The following DPP6 variants were observed in gnomAD, a reference collection of about 807,000 sequenced individuals.
The protein encoded by DPP6 is dipeptidyl peptidase like 6, also known as A-type potassium channel modulatory protein DPP6.
In DPP6, 69 loss-of-function variants were observed where a neutral mutation model predicts 122.6. That is an observed-to-expected ratio of 0.56 (90% CI 0.46 to 0.69). The LOEUF (loss-of-function observed/expected upper bound fraction) is 0.69, where lower values mean the gene tolerates loss of function less well. Among genes scored for constraint, DPP6 ranks in the 30% least tolerant of loss-of-function variants. The pLI, the probability that DPP6 is intolerant of heterozygous loss-of-function variation, is 0.00. For synonymous variants in DPP6, 418 were observed against 433.1 expected (o/e 0.97, Z 0.43); for missense variants, 928 against 1,116.9 (o/e 0.83, Z 2.41).
chr7:154,722,002 CAAA>C (rs34504657), intron 7 of DPP6, among the ~76,000 whole-genome samples: 5 of 128,612 alleles, frequency 3.9e-5, no homozygotes, highest in Non-Finnish European at 5.0e-5. Flanking sequence ...CCATCTCTAC[CAAA>C]AAAAAAAAAA....
At chr7:153,888,699 C>G (rs76450256) in intron 1 of DPP6, among the ~76,000 whole-genome samples, 2,810 of 135,962 alleles carry the variant, frequency 0.021, 143 homozygotes, top group East Asian at 0.18. Context: ...AAGTTGCTGG[C>G]TGGCACTTTT....
intron 1 of DPP6, among the ~76,000 whole-genome samples, chr7:154,116,470 G>A (rs1217779623): frequency 6.6e-6 from 1 of 152,174 alleles, no homozygotes. Context: ...CAGTTCATTT[G>A]TGATTAAATT....
rs1420355391 is a variant in DPP6, at chr7:154,669,386, A to C, written c.707A>C (p.Glu236Ala). 6.4e-7 allele frequency: 1 copy of C among 1,556,302 alleles called. No homozygotes were observed. Among genetic ancestry groups the C allele is most frequent in the Admixed American group, 1.9e-5 (1 of 51,524 alleles). Reference sequence around the variant, plus strand: ...GATCCTCAAAGTCTGGACCCACCAGAAGTCAGCAATGCAAAACTTCAGTAT... The same window carrying C: ...GATCCTCAAAGTCTGGACCCACCAGCAGTCAGCAATGCAAAACTTCAGTAT... ...HGDPQSLDPP[E>A]VSNAKLQYAG... The change falls in exon 7 of 26, where the codon GAA becomes GCA. Residue 236 changes from glutamate to alanine, a missense_variant. Transcript: ENST00000377770.
intron 8 of DPP6, among the ~76,000 whole-genome samples, chr7:154,744,802 G>A (rs1842964823): frequency 6.6e-6 from 1 of 152,116 alleles, no homozygotes. Context: ...AATTTCCCGG[G>A]ACCCAGATTT....
At chr7:153,763,377 GA>G in the DPP6 span, among the ~76,000 whole-genome samples, 973 of 128,682 alleles carry the variant, frequency 7.6e-3, 11 homozygotes, top group Middle Eastern at 0.074. Context: ...GTACAAGTAA[GA>G]AAAAAAAAAA....
At chr7:154,612,915 A>C (rs896354958) in intron 5 of DPP6, among the ~76,000 whole-genome samples, 2 of 152,224 alleles carry the variant, frequency 1.3e-5, no homozygotes, top group Admixed American at 1.3e-4. Flanking sequence ...GCTTCACAGA[A>C]GTTTATTTTT....
the DPP6 span, among the ~76,000 whole-genome samples, chr7:153,815,119 C>T: frequency 2.0e-5 from 3 of 152,128 alleles, no homozygotes; most frequent in Non-Finnish European, 2.9e-5. Flanking sequence ...GGCAATTAGG[C>T]AGGAGAAGGA....
In DPP6 at chr7:154,687,701, G is replaced by A. The variant is rs551910784; in HGVS notation, c.762+18260G>A. ...GGCAGGAAGATACATTGATTTCAAT[G>A]CAATTTATTCCTTTATGGTTTGCAT... On this transcript the variant is annotated intron_variant, in intron 7 of 25. Coordinates refer to ENST00000377770, the MANE Select transcript of DPP6 (RefSeq NM_130797.4). Among the ~76,000 whole-genome samples, 4 of 152,212 alleles carry A rather than the reference G, an allele frequency of 2.6e-5. No individual in the cohort carries two copies. In the East Asian group the frequency reaches 5.8e-4, roughly 22 times the overall value.
chr7:154,214,149 A>G (rs1190167797), intron 1 of DPP6, among the ~76,000 whole-genome samples: 3 of 152,220 alleles, frequency 2.0e-5, no homozygotes, highest in Non-Finnish European at 4.4e-5. Flanking sequence ...GGTGACAGAC[A>G]CTATCAGCAC....
intron 3 of DPP6, among the ~76,000 whole-genome samples, chr7:154,507,668 G>T (rs1825764260): frequency 6.6e-6 from 1 of 152,170 alleles, no homozygotes; most frequent in Non-Finnish European, 1.5e-5. Context: ...ACTGGAGAGG[G>T]TTTGATGTCA....
chr7:153,884,281 A>G (rs1453606452), upstream of DPP6, among the ~76,000 whole-genome samples: 1 of 152,108 alleles, frequency 6.6e-6, no homozygotes, highest in Admixed American at 6.5e-5. Context: ...TGTCCTCGCA[A>G]TAGTTTGCTG....
At chr7:154,886,959 C>T (rs1045855315) in intron 22 of DPP6, among the ~76,000 whole-genome samples, 2 of 152,262 alleles carry the variant, frequency 1.3e-5, no homozygotes, top group Non-Finnish European at 2.9e-5. Context: ...CTCAGGAATG[C>T]GGGTGCCACC....
chr7:154,716,967 G>A (rs1424103241), intron 7 of DPP6, among the ~76,000 whole-genome samples: 1 of 152,002 alleles, frequency 6.6e-6, no homozygotes, highest in African/African-American at 2.4e-5. Context: ...CCAAGTAACT[G>A]GGATTACAGG....
chr7:154,099,514 G>A (rs1205866996), intron 1 of DPP6, among the ~76,000 whole-genome samples: 6 of 152,054 alleles, frequency 3.9e-5, no homozygotes, highest in Non-Finnish European at 7.3e-5. Flanking sequence ...GTGGCCAAGA[G>A]GTCACGTTGC....
At chr7:153,834,249 T>C in the DPP6 span, among the ~76,000 whole-genome samples, 3 of 150,216 alleles carry the variant, frequency 2.0e-5, no homozygotes, top group Non-Finnish European at 4.4e-5. Context: ...ATTGCACCAC[T>C]GAACTCCAGC....
intron 2 of DPP6, among the ~76,000 whole-genome samples, chr7:154,446,706 T>C (rs1041186413): frequency 1.3e-5 from 2 of 152,190 alleles, no homozygotes; most frequent in Admixed American, 6.5e-5. Context: ...GAGTGTGAAC[T>C]AAGGAGAAGG....
rs552409270 is a variant in DPP6 at position 154,557,537 on chromosome 7, G to A, written c.553-9305G>A. On this transcript the variant is annotated intron_variant, in intron 4 of 25. Coordinates refer to ENST00000377770, the MANE Select transcript of DPP6 (RefSeq NM_130797.4). ...ACCGTTAGGCACTGGGAATAGAACC[G>A]TGGCAAAACAAACTAAAATTTGCTT... Among the ~76,000 whole-genome samples the A allele has an allele frequency of 3.9e-5, 6 of 152,224 alleles. No homozygotes were observed. In the South Asian group the frequency reaches 6.2e-4, roughly 16 times the overall value.
chr7:153,803,867 A>G, the DPP6 span, among the ~76,000 whole-genome samples: 2 of 151,922 alleles, frequency 1.3e-5, no homozygotes, highest in Non-Finnish European at 2.9e-5. Flanking sequence ...ATATATATAC[A>G]CACAAGGATA....
intron 1 of DPP6, among the ~76,000 whole-genome samples, chr7:154,370,577 A>C (rs921440262): frequency 6.6e-6 from 1 of 152,210 alleles, no homozygotes; most frequent in East Asian, 1.9e-4. Context: ...TCCTGTTTGT[A>C]TAACCTTTAT....
Sources: allele counts gnomAD v4.1 joint callset (sites outside exome capture counted in the v4.1 genomes callset), GRCh38; gene constraint gnomAD v4.1.1; transcripts MANE v1.5; gene names NCBI Gene and HGNC (gene_info 2026-07-23, HGNC 2026-07-21).